The following SH2D4B variants were observed in gnomAD, a reference collection of about 807,000 sequenced individuals.
The protein encoded by SH2D4B is SH2 domain-containing protein 4B.
SH2D4B carries 45 observed loss-of-function variants against 61.5 expected under a neutral mutation model. That is an observed-to-expected ratio of 0.73 (90% CI 0.58 to 0.94). The LOEUF (loss-of-function observed/expected upper bound fraction) is 0.94. Ranked by LOEUF, SH2D4B falls within the 40% of genes least tolerant of loss-of-function variation. SH2D4B has a pLI of 0.00. For missense variants in SH2D4B, 572 were observed against 574.2 expected (o/e 1.00, Z 0.04); for synonymous variants, 224 against 220.4 (o/e 1.02, Z -0.14).
chr10:80,546,526 ATTTT>A (rs61475653), intron 1 of SH2D4B, among the ~76,000 whole-genome samples: 23 of 138,398 alleles, frequency 1.7e-4, no homozygotes, highest in Admixed American at 2.9e-4. Context: ...AGCATACGGT[ATTTT>A]TTTTTTTTTT....
intron 4 of SH2D4B, among the ~76,000 whole-genome samples, chr10:80,601,519 C>T (rs921880582): frequency 2.0e-5 from 3 of 152,196 alleles, no homozygotes; most frequent in Admixed American, 6.5e-5. Flanking sequence ...TACAAAAATA[C>T]GTATCGCCTG....
At position 80,603,647 on chromosome 10, in the gene SH2D4B, C is replaced by T. The variant is rs540897043; in HGVS notation, c.712C>T (p.His238Tyr). The change falls in exon 5 of 8, where the codon CAC becomes TAC. Residue 238 changes from histidine (H) to tyrosine (Y), a missense_variant. His to Tyr is a moderately conservative substitution (Grantham distance 83). Transcript: ENST00000646907. ...CCAGCGCGCCCGGGACGAGTACCGA[C>T]ACCACTCGCTCCGTGCTATCCAGAA... ...RAQRARDEYRHHSLRAIQKGT... is the reference protein window; with the variant it reads ...RAQRARDEYRYHSLRAIQKGT... 4.4e-6 allele frequency: 7 copies of T among 1,603,926 alleles called. No individual in the cohort carries two copies. The South Asian group carries it at 6.7e-5, about 15-fold the overall frequency.
chr10:80,603,872 C>A, intron 5 of SH2D4B, 77 bp downstream of exon 5: 1 of 1,322,042 alleles, frequency 7.6e-7, no homozygotes, highest in Non-Finnish European at 1.0e-6. Flanking sequence ...GTCCCCGTCC[C>A]GGGTCTGCCC....
At chr10:80,548,311 G>A (rs34295552) in intron 1 of SH2D4B, among the ~76,000 whole-genome samples, 4,372 of 152,178 alleles carry the variant, frequency 0.029, 82 homozygotes, top group Non-Finnish European at 0.045. Context: ...ATTAAGGTGC[G>A]TGCCACCATG....
intron 1 of SH2D4B, among the ~76,000 whole-genome samples, chr10:80,563,955 C>T (rs373379053): frequency 2.0e-5 from 3 of 152,190 alleles, no homozygotes; most frequent in Non-Finnish European, 2.9e-5. Context: ...GATTTCCATA[C>T]GTTGGTACAT....
intron 6 of SH2D4B, among the ~76,000 whole-genome samples, chr10:80,631,524 T>C (rs960472108): frequency 3.3e-5 from 5 of 152,176 alleles, no homozygotes; most frequent in African/African-American, 9.7e-5. Context: ...GCTGGTATTA[T>C]AGGCATGAGC....
At chr10:80,549,092 C>T (rs1288499543) in intron 1 of SH2D4B, among the ~76,000 whole-genome samples, 1 of 152,140 alleles carries the variant, frequency 6.6e-6, no homozygotes, top group Non-Finnish European at 1.5e-5. Context: ...TCGGCACAGC[C>T]TGTGGCCTGG....
At chr10:80,566,275 C>G (rs2132115378) in intron 1 of SH2D4B, among the ~76,000 whole-genome samples, 1 of 150,928 alleles carries the variant, frequency 6.6e-6, no homozygotes, top group Non-Finnish European at 1.5e-5. Flanking sequence ...AATAATATTA[C>G]CTGATGGGAT....
intron 6 of SH2D4B, among the ~76,000 whole-genome samples, chr10:80,630,597 G>T (rs1318861461): frequency 6.6e-6 from 1 of 152,218 alleles, no homozygotes; most frequent in Non-Finnish European, 1.5e-5. Flanking sequence ...TGCAGGCACT[G>T]CCTTTCCCAA....
intron 3 of SH2D4B, among the ~76,000 whole-genome samples, chr10:80,576,863 G>C (rs1421069423): frequency 6.6e-6 from 1 of 152,176 alleles, no homozygotes; most frequent in Non-Finnish European, 1.5e-5. Flanking sequence ...TGCCTCCTGG[G>C]TTCAAGTGAT....
chr10:80,605,158 T>C (rs564602791), intron 5 of SH2D4B, among the ~76,000 whole-genome samples: 102 of 135,236 alleles, frequency 7.5e-4, no homozygotes, highest in Non-Finnish European at 1.3e-3. Context: ...AAGGCCTTAT[T>C]CCTCCTCTTT....
intron 5 of SH2D4B, among the ~76,000 whole-genome samples, chr10:80,608,779 GT>G (rs1842552470): frequency 6.6e-6 from 1 of 152,074 alleles, no homozygotes. Flanking sequence ...CTCTGTCATA[GT>G]TTTTATTTTC....
At chr10:80,637,245 T>TG (rs1840198385) in intron 7 of SH2D4B, among the ~76,000 whole-genome samples, 1 of 152,202 alleles carries the variant, frequency 6.6e-6, no homozygotes, top group South Asian at 2.1e-4. Flanking sequence ...TTTGTTCTTT[T>TG]GCTTAGGATT....
At position 80,548,910 on chromosome 10, in the gene SH2D4B, C is replaced by T. The variant is rs117364337; in HGVS notation, c.184+10395C>T. ...ATCATCAACCCTTGTGTAGTTTACACATTTACTTTTACTTTTTAGGATATA... is the reference window on the plus strand; with the variant it reads ...ATCATCAACCCTTGTGTAGTTTACATATTTACTTTTACTTTTTAGGATATA... On this transcript the variant is annotated intron_variant, in intron 1 of 7. Transcript: ENST00000646907. 2.6e-3 allele frequency among the ~76,000 whole-genome samples: 396 copies of T among 152,302 alleles called. 1 individual carries two copies. Among genetic ancestry groups the T allele is most frequent in the Non-Finnish European group, 4.2e-3 (289 of 68,038 alleles).
intron 1 of SH2D4B, among the ~76,000 whole-genome samples, chr10:80,546,162 A>G (rs554769192): frequency 4.0e-5 from 6 of 151,020 alleles, no homozygotes; most frequent in Non-Finnish European, 7.4e-5. Context: ...CTCGCACCTC[A>G]GCCTCCTGAG....
rs1339672463 is a variant in SH2D4B at position 80,539,783 on chromosome 10, G to A, written c.184+1268G>A. Among the ~76,000 whole-genome samples the A allele has an allele frequency of 6.6e-6, 1 of 152,146 alleles. No homozygotes were observed. The highest frequency in any genetic ancestry group is 1.5e-5 in the Non-Finnish European group (1 of 68,026). ...TTCCTCCACTCTATCTTCCTCCCCT[G>A]GGCCCAGCACAGAGGTGGCACATGG... On this transcript the variant is annotated intron_variant, in intron 1 of 7. Transcript: ENST00000646907. The surrounding 1 kb of genome is among the most constrained non-coding windows in gnomAD (Gnocchi z 4.9).
At chr10:80,616,490 T>C (rs964437525) in intron 6 of SH2D4B, among the ~76,000 whole-genome samples, 6 of 152,226 alleles carry the variant, frequency 3.9e-5, no homozygotes, top group Admixed American at 3.9e-4. Context: ...CTATTTTTGC[T>C]GTAGGAAAGC....
intron 3 of SH2D4B, among the ~76,000 whole-genome samples, chr10:80,580,653 G>T (rs12241017): frequency 0.084 from 12,718 of 152,162 alleles, 567 homozygotes; most frequent in African/African-American, 0.12. Flanking sequence ...GCCAAGAAAA[G>T]GTCTGTTCCA....
At chr10:80,641,012 T>C (rs908226507) in intron 7 of SH2D4B, among the ~76,000 whole-genome samples, 15 of 152,252 alleles carry the variant, frequency 9.9e-5, no homozygotes, top group Non-Finnish European at 2.9e-5. Context: ...ATGCTATTCC[T>C]TTCTGTTTGT....
Sources: gnomAD v4.1 joint callset for allele counts (sites outside exome capture counted in the v4.1 genomes callset) on GRCh38, gnomAD v4.1.1 for gene constraint, Gnocchi (gnomAD v3.1) non-coding constraint, MANE v1.5 for transcripts, NCBI Gene and HGNC (gene_info 2026-07-23, HGNC 2026-07-21) for gene names.